The following PLXNA4 variants were observed in gnomAD, a reference collection of about 807,000 sequenced individuals.
The protein encoded by PLXNA4 is plexin-A4.
In PLXNA4, 44 loss-of-function variants were observed where a neutral mutation model predicts 191.8. That is an observed-to-expected ratio of 0.23 (90% CI 0.18 to 0.29). PLXNA4 has a LOEUF of 0.29. Ranked by LOEUF, PLXNA4 falls within the 10% of genes least tolerant of loss-of-function variation. The probability of loss-of-function intolerance (pLI) is 1.00; values close to 1 mark genes in which losing one functional copy is unlikely to be tolerated. For missense variants in PLXNA4, 1,800 were observed against 2,488.8 expected (o/e 0.72, Z 5.89); for synonymous variants, 1,082 against 1,009.5 (o/e 1.07, Z -1.36).
chr7:132,608,462 C>T (rs1400455590), intron 2 of PLXNA4, among the ~76,000 whole-genome samples: 1 of 152,186 alleles, frequency 6.6e-6, no homozygotes, highest in East Asian at 1.9e-4. Flanking sequence ...AACACTCAGT[C>T]CAATGGCAAA....
chr7:132,277,179 G>A (rs186102042), intron 4 of PLXNA4, among the ~76,000 whole-genome samples: 38 of 152,266 alleles, frequency 2.5e-4, no homozygotes, highest in African/African-American at 8.7e-4. Flanking sequence ...TACTAGAATG[G>A]TTTACTTATT....
intron 3 of PLXNA4, among the ~76,000 whole-genome samples, chr7:132,464,706 C>T (rs1470150204): frequency 6.6e-6 from 1 of 152,194 alleles, no homozygotes; most frequent in Non-Finnish European, 1.5e-5. Flanking sequence ...AATACAACAA[C>T]CTTTATTGAT....
At chr7:132,494,671 G>A (rs987887854) in intron 2 of PLXNA4, among the ~76,000 whole-genome samples, 4 of 152,150 alleles carry the variant, frequency 2.6e-5, no homozygotes, top group Admixed American at 6.5e-5. Context: ...CTCGTGCACC[G>A]CAGCAAAGGT....
At chr7:132,330,545 T>C (rs1385022520) in intron 3 of PLXNA4, among the ~76,000 whole-genome samples, 2 of 152,190 alleles carry the variant, frequency 1.3e-5, no homozygotes, top group African/African-American at 4.8e-5. Flanking sequence ...CACTTTAAAA[T>C]GTGAAAATGT....
At chr7:132,407,380 A>G (rs1794265450) in intron 3 of PLXNA4, among the ~76,000 whole-genome samples, 1 of 152,200 alleles carries the variant, frequency 6.6e-6, no homozygotes, top group Non-Finnish European at 1.5e-5. Context: ...AGAAGTTTCT[A>G]GTGTGAGAAG....
At chr7:132,577,622 G>A (rs1031303455), upstream of PLXNA4, among the ~76,000 whole-genome samples, 8 of 152,122 alleles carry the variant, frequency 5.3e-5, no homozygotes, top group African/African-American at 1.9e-4. Context: ...CACCCCCCTG[G>A]GTCCCCTCGG....
chr7:132,282,551 C>T (rs1193162858), intron 4 of PLXNA4, among the ~76,000 whole-genome samples: 1 of 132,204 alleles, frequency 7.6e-6, no homozygotes, highest in East Asian at 2.5e-4. Flanking sequence ...CAGTGAGCCA[C>T]GATTGCACCA....
intron 3 of PLXNA4, among the ~76,000 whole-genome samples, chr7:132,415,223 C>A (rs536121821): frequency 6.6e-6 from 1 of 152,318 alleles, no homozygotes; most frequent in Non-Finnish European, 1.5e-5. Context: ...AAGGGCCTGC[C>A]TGGAATTAAT....
intron 13 of PLXNA4, among the ~76,000 whole-genome samples, 192 bp downstream of exon 13, chr7:132,198,293 C>T (rs1797315306): frequency 1.3e-5 from 2 of 152,202 alleles, no homozygotes; most frequent in Admixed American, 6.5e-5. Context: ...ACACTTTCCC[C>T]AATATGGCAG....
At chr7:132,287,249 T>A (rs1425640618) in intron 4 of PLXNA4, among the ~76,000 whole-genome samples, 2 of 152,202 alleles carry the variant, frequency 1.3e-5, no homozygotes, top group East Asian at 3.9e-4. Flanking sequence ...TTGTCCAGGC[T>A]GTTCTCGAAC....
At chr7:132,198,768 G>T (rs1456535604) in intron 12 of PLXNA4, 132 bp from the exon 13 acceptor site, 4 of 1,396,514 alleles carry the variant, frequency 2.9e-6, no homozygotes. Context: ...GTCACCAAGG[G>T]CACCCAAAGC....
chr7:132,309,332 G>A (rs1487807555), intron 3 of PLXNA4, among the ~76,000 whole-genome samples: 1 of 152,154 alleles, frequency 6.6e-6, no homozygotes, highest in Non-Finnish European at 1.5e-5. Flanking sequence ...GGGCAGAGGT[G>A]GGGCTGGCAG....
intron 2 of PLXNA4, among the ~76,000 whole-genome samples, chr7:132,588,232 T>A (rs941203189): frequency 6.6e-6 from 1 of 152,158 alleles, no homozygotes; most frequent in Non-Finnish European, 1.5e-5. Context: ...CTAACTACAC[T>A]GTGGACATTC....
At chr7:132,164,769 G>C (rs980833159) in intron 23 of PLXNA4, among the ~76,000 whole-genome samples, 27 of 152,252 alleles carry the variant, frequency 1.8e-4, no homozygotes, top group Non-Finnish European at 5.9e-5. Flanking sequence ...CGGCCGGGGG[G>C]CCTTATCAGC....
intron 31 of PLXNA4, among the ~76,000 whole-genome samples, chr7:132,130,937 T>C (rs770997763): frequency 6.6e-6 from 1 of 152,176 alleles, no homozygotes; most frequent in African/African-American, 2.4e-5. Flanking sequence ...GCTAGTTCCA[T>C]ATCCGATGGA....
intron 4 of PLXNA4, among the ~76,000 whole-genome samples, chr7:132,253,237 T>TC (rs1366777360): frequency 6.6e-5 from 9 of 136,128 alleles, no homozygotes; most frequent in South Asian, 2.2e-4. Context: ...TTTTTCTTTT[T>TC]TTTTTTTTTT....
chr7:132,216,357 A>G (rs1797961653), intron 9 of PLXNA4, among the ~76,000 whole-genome samples: 2 of 152,336 alleles, frequency 1.3e-5, no homozygotes, highest in African/African-American at 2.4e-5. Context: ...GGATAATAAT[A>G]CCTGCAAAAC....
At chr7:132,572,089 A>G (rs1802005765) in intron 1 of PLXNA4, among the ~76,000 whole-genome samples, 2 of 152,310 alleles carry the variant, frequency 1.3e-5, no homozygotes, top group East Asian at 3.9e-4. Context: ...GCACTCACCC[A>G]TAAACCTCCC....
In PLXNA4 at chr7:132,562,317, TTCC is replaced by T. The variant is rs564441385; in HGVS notation, c.-87+14102_-87+14104del. Among the ~76,000 whole-genome samples the T allele has an allele frequency of 9.8e-3, 645 of 66,024 alleles. 20 individuals carry two copies. The highest frequency in any genetic ancestry group is 0.039 in the African/African-American group (608 of 15,406). The allele number at this position is 66,024 out of a possible 152,430, so 43.3% of individuals were successfully genotyped here. A position where few individuals can be genotyped will look rare whatever the true frequency, so the allele number is the denominator to read the frequency against. On this transcript the variant is annotated intron_variant, in intron 1 of 31. Transcript: ENST00000321063. ...TCTCCTCCTTCTCCTCTTCCTCCTC[TTCC>T]TCCTCCTCTCTCTCCTCCTCCTTCT... is the stretch of plus-strand genomic sequence containing the variant.
Sources: gnomAD v4.1 joint callset for allele counts (sites outside exome capture counted in the v4.1 genomes callset) on GRCh38, gnomAD v4.1.1 for gene constraint, MANE v1.5 for transcripts, NCBI Gene and HGNC (gene_info 2026-07-23, HGNC 2026-07-21) for gene names.